The following LRRFIP1 variants were observed in gnomAD, a reference collection of about 807,000 sequenced individuals.
The protein encoded by LRRFIP1 is LRR binding FLII interacting protein 1, also known as leucine-rich repeat flightless-interacting protein 1.
LRRFIP1 carries 62 observed loss-of-function variants against 104.4 expected under a neutral mutation model. The observed-to-expected ratio is 0.59, with a 90% CI of 0.48 to 0.73. The LOEUF is 0.73. LRRFIP1 is among the 30% of genes least tolerant of loss of function. The pLI, the probability that LRRFIP1 is intolerant of heterozygous loss-of-function variation, is 0.00. For missense variants in LRRFIP1, 796 were observed against 824.5 expected (o/e 0.97, Z 0.42); for synonymous variants, 300 against 299.0 (o/e 1.00, Z -0.03).
At chr2:237,708,724 T>G in intron 2 of LRRFIP1, 94 bp downstream of exon 2, 1 of 1,342,492 alleles carries the variant, frequency 7.4e-7, no homozygotes. Flanking sequence ...CAGACGCACC[T>G]GGCTGTCTCA....
chr2:237,776,835 C>G (rs1413953771), intron 23 of LRRFIP1, among the ~76,000 whole-genome samples: 1 of 152,058 alleles, frequency 6.6e-6, no homozygotes, highest in Non-Finnish European at 1.5e-5. Flanking sequence ...GGCGGTGGCT[C>G]TTAGTTGAAT....
intron 23 of LRRFIP1, among the ~76,000 whole-genome samples, chr2:237,775,097 G>T (rs1051557258): frequency 6.6e-6 from 1 of 152,236 alleles, no homozygotes; most frequent in African/African-American, 2.4e-5. Flanking sequence ...AGGAGTCTCC[G>T]CCTCCATAGA....
chr2:237,668,988 C>T (rs984764244), intron 1 of LRRFIP1, among the ~76,000 whole-genome samples: 8 of 152,028 alleles, frequency 5.3e-5, no homozygotes, highest in Admixed American at 1.3e-4. Context: ...CTCTAAATAG[C>T]GCATTTTTAA....
Position 237,636,910 on chromosome 2 carries a change from G to A in LRRFIP1, c.96+9170G>A, listed in dbSNP as rs373397087. 7.9e-5 allele frequency among the ~76,000 whole-genome samples: 12 copies of A among 152,338 alleles called. No individual in the cohort carries two copies. In the South Asian group the frequency reaches 1.9e-3, roughly 24 times the overall value. ...GTGTTAGGAGGAAACATTGCTTAAT[G>A]TTAACCAGTCAGACTTCTCTAATTT... On this transcript the variant is annotated intron_variant, in intron 1 of 23. Coordinates refer to ENST00000308482, the MANE Select transcript of LRRFIP1 (RefSeq NM_001137550.2).
At chr2:237,628,015 G>A (rs1032125050) in intron 1 of LRRFIP1, among the ~76,000 whole-genome samples, 1 of 151,420 alleles carries the variant, frequency 6.6e-6, no homozygotes, top group Non-Finnish European at 1.5e-5. Context: ...GGCCACCGTC[G>A]GCCGCTGCGC....
intron 15 of LRRFIP1, among the ~76,000 whole-genome samples, chr2:237,755,284 C>T (rs1199287096): frequency 6.6e-6 from 1 of 152,210 alleles, no homozygotes; most frequent in Non-Finnish European, 1.5e-5. Flanking sequence ...CCCCCAAACT[C>T]TCCTGTTTTT....
intron 11 of LRRFIP1, among the ~76,000 whole-genome samples, chr2:237,742,317 A>T (rs926442117): frequency 6.6e-6 from 1 of 152,078 alleles, no homozygotes; most frequent in Non-Finnish European, 1.5e-5. Context: ...GCTGGTTGGC[A>T]CGCTTAGGGA....
intron 1 of LRRFIP1, among the ~76,000 whole-genome samples, chr2:237,693,773 G>A (rs2092976659): frequency 6.6e-6 from 1 of 152,292 alleles, no homozygotes; most frequent in South Asian, 2.1e-4. Context: ...GAAGGGAAGA[G>A]TAAACATTGA....
intron 13 of LRRFIP1, among the ~76,000 whole-genome samples, chr2:237,749,688 G>T (rs1042438426): frequency 6.6e-6 from 1 of 152,196 alleles, no homozygotes; most frequent in African/African-American, 2.4e-5. Flanking sequence ...ACACCAGACG[G>T]CTTTACCTAC....
chr2:237,666,263 A>G (rs1268406090), intron 1 of LRRFIP1, among the ~76,000 whole-genome samples: 1 of 152,260 alleles, frequency 6.6e-6, no homozygotes, highest in Non-Finnish European at 1.5e-5. Context: ...AAATGGGCGC[A>G]TTGGCAGTCC....
chr2:237,721,912 T>C (rs1413644902), intron 6 of LRRFIP1: 1 of 152,246 alleles, frequency 6.6e-6, no homozygotes, highest in Non-Finnish European at 1.5e-5. Context: ...AGGGATGCTG[T>C]TGTAACCGTT....
intron 3 of LRRFIP1, among the ~76,000 whole-genome samples, chr2:237,716,942 T>C (rs566150048): frequency 6.6e-6 from 1 of 152,308 alleles, no homozygotes; most frequent in African/African-American, 2.4e-5. Context: ...GCGGGCCACA[T>C]GCAGCCCAGA....
chr2:237,692,428 CCGG>C, intron 1 of LRRFIP1: 1 of 1,492,514 alleles, frequency 6.7e-7, no homozygotes, highest in Non-Finnish European at 9.0e-7. Context: ...GCATTTCCCG[CCGG>C]GTGGAGCGGG....
intron 8 of LRRFIP1, among the ~76,000 whole-genome samples, chr2:237,729,198 A>T (rs2094897857): frequency 6.6e-6 from 1 of 152,196 alleles, no homozygotes; most frequent in Non-Finnish European, 1.5e-5. Context: ...AAATGCTGGG[A>T]TTACAGGCAT....
chr2:237,738,647 C>G (rs566973877), intron 10 of LRRFIP1, among the ~76,000 whole-genome samples: 1 of 152,220 alleles, frequency 6.6e-6, no homozygotes, highest in African/African-American at 2.4e-5. Context: ...AATCGAGTTG[C>G]TGGTATTTTC....
At chr2:237,645,628 A>C (rs2084772602) in intron 1 of LRRFIP1, among the ~76,000 whole-genome samples, 1 of 147,386 alleles carries the variant, frequency 6.8e-6, no homozygotes, top group South Asian at 2.1e-4. Context: ...TTCTTTTGGG[A>C]GGTGTGGTGG....
At chr2:237,675,148 C>T (rs1333853102) in intron 1 of LRRFIP1, among the ~76,000 whole-genome samples, 1 of 152,236 alleles carries the variant, frequency 6.6e-6, no homozygotes, top group Non-Finnish European at 1.5e-5. Context: ...GCTCTGAGGT[C>T]CGGGTCCCCA....
chr2:237,679,426 A>G (rs2091545856), intron 1 of LRRFIP1, among the ~76,000 whole-genome samples: 2 of 152,252 alleles, frequency 1.3e-5, no homozygotes, highest in South Asian at 4.1e-4. Flanking sequence ...TGATAATGGC[A>G]GTTCTGATGT....
In LRRFIP1 at chr2:237,780,634, G is replaced by A. The variant is rs1464915572; in HGVS notation, c.*1102G>A. Among the ~76,000 whole-genome samples the A allele has an allele frequency of 6.6e-6, 1 of 152,140 alleles. No homozygotes were observed. Among genetic ancestry groups the A allele is most frequent in the Non-Finnish European group, 1.5e-5 (1 of 68,022 alleles). ...GTGAAGCCAGTCAGCTTTTCGGGAC[G>A]TTAGCAAGTGGAAACTGAGTCAGTA... On this transcript the variant is annotated 3_prime_UTR_variant, in exon 24 of 24. Coordinates refer to ENST00000308482, the MANE Select transcript of LRRFIP1 (RefSeq NM_001137550.2).
Sources: allele counts gnomAD v4.1 joint callset (sites outside exome capture counted in the v4.1 genomes callset), GRCh38; gene constraint gnomAD v4.1.1; transcripts MANE v1.5; gene names NCBI Gene and HGNC (gene_info 2026-07-23, HGNC 2026-07-21).